The following CACNA1E variants were observed in gnomAD, a reference collection of about 807,000 sequenced individuals.
The protein encoded by CACNA1E is voltage-dependent R-type calcium channel subunit alpha-1E.
In CACNA1E, 40 loss-of-function variants were observed where a neutral mutation model predicts 259.2. The observed-to-expected ratio is 0.15, with a 90% confidence interval of 0.12 to 0.20. The LOEUF is 0.20. Among genes scored for constraint, CACNA1E ranks in the 10% least tolerant of loss-of-function variants. The probability of loss-of-function intolerance (pLI) is 1.00; values close to 1 mark genes in which losing one functional copy is unlikely to be tolerated. For missense variants in CACNA1E, 1,874 were observed against 3,040.1 expected (o/e 0.62, Z 9.02); for synonymous variants, 1,104 against 1,138.5 (o/e 0.97, Z 0.61).
intron 3 of CACNA1E, among the ~76,000 whole-genome samples, chr1:181,552,899 T>A (rs556232699): frequency 6.6e-6 from 1 of 152,336 alleles, no homozygotes; most frequent in African/African-American, 2.4e-5. Context: ...TCGGTTACTG[T>A]AGCCTTGTAG....
chr1:181,648,559 G>A (rs1246218764), intron 6 of CACNA1E, among the ~76,000 whole-genome samples: 1 of 152,114 alleles, frequency 6.6e-6, no homozygotes, highest in Admixed American at 6.6e-5. Context: ...ATCTTCTCAC[G>A]GGCTCAGAAG....
At chr1:181,619,043 A>G (rs1655482569) in intron 6 of CACNA1E, among the ~76,000 whole-genome samples, 1 of 152,170 alleles carries the variant, frequency 6.6e-6, no homozygotes, top group Non-Finnish European at 1.5e-5. Flanking sequence ...TATACAAAGC[A>G]CTGGTCTAAA....
chr1:181,733,026 T>C lies in CACNA1E; in HGVS notation c.2940T>C (p.Asp980=). ...EPTIQEERAQ[D]LRRTNSLMVS... is the part of the protein sequence containing the mutation. ...CGATCCAAGAAGAGAGAGCCCAGGA[T>C]TTAAGGAGGTGAGTGAGTCACAGGG... Residue 980 remains aspartate (D), a synonymous_variant, in exon 20 of 48, where the codon GAT becomes GAC. Coordinates refer to ENST00000367573, the MANE Select transcript of CACNA1E (RefSeq NM_001205293.3). 3 of 1,599,172 alleles carry C rather than the reference T, an allele frequency of 1.9e-6. No individual in the cohort carries two copies. Among genetic ancestry groups the C allele is most frequent in the Non-Finnish European group, 2.6e-6 (3 of 1,172,320 alleles).
upstream of CACNA1E, among the ~76,000 whole-genome samples, chr1:181,480,123 A>T (rs80356266): frequency 1.3e-5 from 2 of 152,176 alleles, no homozygotes; most frequent in Non-Finnish European, 2.9e-5. Flanking sequence ...ATAAAAAAAA[A>T]TAAAAACAAC....
chr1:181,568,319 G>T (rs897168641), intron 3 of CACNA1E, among the ~76,000 whole-genome samples: 1 of 152,186 alleles, frequency 6.6e-6, no homozygotes, highest in Admixed American at 6.5e-5. Flanking sequence ...GGCCTGTGGG[G>T]ATAGAGAAAG....
In CACNA1E at chr1:181,435,681, A is replaced by G. The variant is rs145938052; in HGVS notation, c.434+22101A>G. Among the ~76,000 whole-genome samples, 379 of 152,300 alleles carry G rather than the reference A, an allele frequency of 2.5e-3. 2 individuals are homozygous for G. The highest frequency in any genetic ancestry group is 8.1e-3 in the African/African-American group (335 of 41,566). On this transcript the variant is annotated intron_variant, in intron 2 of 11. Transcript: ENST00000524607. ...GCCACATAGTAGGCTCCCAATATAT[A>G]TTATTGAATGAATGAATGCATCCGC...
At chr1:181,706,983 T>C (rs1652856379) in intron 7 of CACNA1E, among the ~76,000 whole-genome samples, 1 of 152,384 alleles carries the variant, frequency 6.6e-6, no homozygotes, top group Admixed American at 6.5e-5. Context: ...TACCAGACAC[T>C]GGGTTAAGCT....
At chr1:181,582,579 C>T (rs955801769) in intron 6 of CACNA1E, among the ~76,000 whole-genome samples, 1 of 152,150 alleles carries the variant, frequency 6.6e-6, no homozygotes, top group African/African-American at 2.4e-5. Flanking sequence ...TCCTCTTTAG[C>T]CAAGATTCAG....
chr1:181,431,099 GA>G (rs1177581871), intron 2 of CACNA1E, among the ~76,000 whole-genome samples: 1 of 150,140 alleles, frequency 6.7e-6, no homozygotes, highest in Admixed American at 6.7e-5. Context: ...TTTTTTTTAG[GA>G]AAAATGTTTA....
At chr1:181,706,150 C>G (rs1174200754) in intron 7 of CACNA1E, among the ~76,000 whole-genome samples, 1 of 152,012 alleles carries the variant, frequency 6.6e-6, no homozygotes, top group Non-Finnish European at 1.5e-5. Context: ...GCCAGATTCC[C>G]CCTTTTACAT....
At chr1:181,510,111 A>G (rs1666040219) in intron 1 of CACNA1E, among the ~76,000 whole-genome samples, 1 of 152,170 alleles carries the variant, frequency 6.6e-6, no homozygotes. Flanking sequence ...GGCATTAATT[A>G]TGTTTCTTCC....
At chr1:181,388,891 CCA>C (rs373457256) in intron 1 of CACNA1E, among the ~76,000 whole-genome samples, 4 of 124,912 alleles carry the variant, frequency 3.2e-5, no homozygotes, top group African/African-American at 1.2e-4. Context: ...AACTCCATCT[CCA>C]AAAAAAAAAA....
At chr1:181,757,863 C>A in intron 30 of CACNA1E, 84 bp from the exon 31 acceptor site, 1 of 1,456,894 alleles carries the variant, frequency 6.9e-7, no homozygotes, top group Non-Finnish European at 9.4e-7. Flanking sequence ...ATTCACCGTC[C>A]TCCTCTTCTG....
Position 181,755,378 on chromosome 1 carries a change from GAC to G in CACNA1E, c.3974_3975del (p.Thr1325ArgfsTer12). 1 of 1,613,886 alleles carries G rather than the reference GAC, an allele frequency of 6.2e-7. No individual in the cohort carries two copies. The highest frequency in any genetic ancestry group is 8.5e-7 in the Non-Finnish European group (1 of 1,179,828). On this transcript the variant is annotated frameshift_variant, in exon 28 of 48. Transcript: ENST00000367573. LOFTEE classifies it high-confidence loss of function. Reference sequence around the variant, plus strand: ...CTTTTATTGCACGGACAGTTCCAAGGACACAGAGAAGGAGTGCATGTAAGTGC... The same window carrying G: ...CTTTTATTGCACGGACAGTTCCAAGGACAGAGAAGGAGTGCATGTAAGTGC... ...KFFYCTDSSK[D>X]TEKECIGNYV...
chr1:181,790,587 T>G, intron 44 of CACNA1E, 31 bp downstream of exon 44: 1 of 1,287,496 alleles, frequency 7.8e-7, no homozygotes, highest in Non-Finnish European at 1.1e-6. Context: ...ACCTCAAAAC[T>G]ACTTCCTTGG....
In CACNA1E at chr1:181,608,695, G is replaced by A. The variant is rs141629913; in HGVS notation, c.951+27919G>A. On this transcript the variant is annotated intron_variant, in intron 6 of 47. Coordinates refer to ENST00000367573, the MANE Select transcript of CACNA1E (RefSeq NM_001205293.3). ...GAAGCCCCAAGCCTGGCATTTCTGA[G>A]CAGGATTGCTTTGCTCGATGCCACC... Among the ~76,000 whole-genome samples the A allele has an allele frequency of 2.2e-3, 329 of 152,282 alleles. 2 individuals carry two copies. The highest frequency in any genetic ancestry group is 7.5e-3 in the African/African-American group (313 of 41,568).
intron 1 of CACNA1E, among the ~76,000 whole-genome samples, chr1:181,497,638 C>T (rs1352693281): frequency 3.9e-5 from 6 of 152,206 alleles, no homozygotes; most frequent in Non-Finnish European, 7.3e-5. Flanking sequence ...AGATGATTAG[C>T]TTAAGGTCAC....
intron 1 of CACNA1E, among the ~76,000 whole-genome samples, chr1:181,503,835 T>A (rs923061479): frequency 4.6e-5 from 7 of 152,336 alleles, no homozygotes; most frequent in African/African-American, 1.7e-4. Context: ...TTGGGACAGC[T>A]TTTGCAGTCG....
intron 1 of CACNA1E, among the ~76,000 whole-genome samples, chr1:181,339,005 C>T (rs1051179914): frequency 6.6e-6 from 1 of 151,812 alleles, no homozygotes; most frequent in Non-Finnish European, 1.5e-5. Context: ...GCTCTCTATT[C>T]TGTTCCATTG....
Sources: allele counts gnomAD v4.1 joint callset (sites outside exome capture counted in the v4.1 genomes callset), GRCh38; gene constraint gnomAD v4.1.1; transcripts MANE v1.5; gene names NCBI Gene and HGNC (gene_info 2026-07-23, HGNC 2026-07-21).